Variants in SPTBN4 observed in about 807,000 individuals in gnomAD.
SPTBN4 encodes spectrin beta chain, non-erythrocytic 4.
In SPTBN4, 96 loss-of-function variants were observed where a neutral mutation model predicts 277.8. The ratio of observed to expected loss-of-function variants is 0.35; its 90% CI spans 0.29 to 0.41. The LOEUF (loss-of-function observed/expected upper bound fraction) is 0.41, where lower values mean the gene tolerates loss of function less well. Ranked by LOEUF, SPTBN4 falls within the 10% of genes least tolerant of loss-of-function variation. SPTBN4 has a pLI of 1.00. For missense variants in SPTBN4, 3,006 were observed against 3,595.7 expected (o/e 0.84, Z 4.19); for synonymous variants, 1,481 against 1,580.3 (o/e 0.94, Z 1.49).
intron 3 of SPTBN4, among the ~76,000 whole-genome samples, chr19:40,488,159 A>G (rs2080094210): frequency 6.6e-6 from 1 of 151,688 alleles, no homozygotes. Flanking sequence ...CTATTAGAGA[A>G]GGGAGGAGCT....
chr19:40,533,974 T>G, intron 19 of SPTBN4, 106 bp from the exon 20 acceptor site: 5 of 1,386,868 alleles, frequency 3.6e-6, no homozygotes, highest in Non-Finnish European at 4.8e-6. Flanking sequence ...CCTCTGATTC[T>G]CTTTTCACAT....
chr19:40,528,939 G>A, intron 17 of SPTBN4, 102 bp from the exon 18 acceptor site: 3 of 816,658 alleles, frequency 3.7e-6, no homozygotes, highest in Non-Finnish European at 6.2e-6. Context: ...TATTTTCCAC[G>A]CCCTTCTTCC....
intron 20 of SPTBN4, among the ~76,000 whole-genome samples, chr19:40,538,972 C>T (rs758434020): frequency 2.6e-5 from 4 of 152,154 alleles, no homozygotes; most frequent in South Asian, 2.1e-4. Context: ...GAGGCCAACC[C>T]ACATGGAAGC....
At chr19:40,569,563 C>A in intron 31 of SPTBN4, 94 bp from the exon 32 acceptor site, 1 of 1,304,458 alleles carries the variant, frequency 7.7e-7, no homozygotes, top group Non-Finnish European at 1.1e-6. Flanking sequence ...CTGGCACTTC[C>A]AGCTAAGAAG....
intron 21 of SPTBN4, 98 bp downstream of exon 21, chr19:40,549,511 C>T (rs1454464713): frequency 1.0e-6 from 1 of 972,138 alleles, no homozygotes; most frequent in African/African-American, 1.7e-5. Flanking sequence ...GGCTGAGACC[C>T]TCCCACTCAT....
chr19:40,475,152 T>C (rs1208114591), intron 2 of SPTBN4, among the ~76,000 whole-genome samples: 2 of 152,060 alleles, frequency 1.3e-5, no homozygotes, highest in African/African-American at 4.8e-5. Flanking sequence ...TTAGTATTCA[T>C]AGAGGTCTGG....
intron 20 of SPTBN4, among the ~76,000 whole-genome samples, chr19:40,537,359 C>T (rs747354696): frequency 2.6e-5 from 4 of 152,184 alleles, no homozygotes; most frequent in South Asian, 2.1e-4. Flanking sequence ...TTCTCCCATC[C>T]GTGTCTGTAT....
At chr19:40,545,883 T>C (rs2080853237) in intron 20 of SPTBN4, among the ~76,000 whole-genome samples, 1 of 151,562 alleles carries the variant, frequency 6.6e-6, no homozygotes, top group Non-Finnish European at 1.5e-5. Flanking sequence ...CTACTAAAAA[T>C]ACAAAAAAAA....
intron 26 of SPTBN4, among the ~76,000 whole-genome samples, chr19:40,559,220 G>A (rs972157420): frequency 3.3e-5 from 5 of 151,488 alleles, no homozygotes; most frequent in Non-Finnish European, 5.9e-5. Flanking sequence ...ATGAGCCACC[G>A]CGCCCAGCCC....
chr19:40,531,697 C>T lies in SPTBN4; in HGVS notation c.3949-928C>T, dbSNP rs1413697025. On this transcript the variant is annotated intron_variant, in intron 18 of 35. Coordinates refer to ENST00000598249, the MANE Select transcript of SPTBN4 (RefSeq NM_020971.3). Reference sequence around the variant, plus strand: ...CCTCTCTAGTGCCGTGAGAGGGGCCCACTCTTGGTGCTTGCGTTTTGGATG... The same window carrying T: ...CCTCTCTAGTGCCGTGAGAGGGGCCTACTCTTGGTGCTTGCGTTTTGGATG... 5.3e-5 allele frequency among the ~76,000 whole-genome samples: 8 copies of T among 151,230 alleles called. 1 individual carries two copies.
Position 40,504,147 on chromosome 19 carries a change from G to A in SPTBN4, c.1665+15G>A, listed in dbSNP as rs769461877. The A allele has an allele frequency of 7.6e-6, 8 of 1,047,662 alleles. No individual in the cohort carries two copies. Among genetic ancestry groups the A allele is most frequent in the African/African-American group, 2.0e-5 (1 of 51,122 alleles). 64.9% of individuals were successfully genotyped at this position (1,047,662 alleles called of 1,614,324 possible). A position where few individuals can be genotyped will look rare whatever the true frequency, so the allele number is the denominator to read the frequency against. ...AGGAGATGCAGGTGCCGGCGGGGGGGCGGGGATGCGGGTGGAGTGCCAGGA... is the reference window on the plus strand; with the variant it reads ...AGGAGATGCAGGTGCCGGCGGGGGGACGGGGATGCGGGTGGAGTGCCAGGA... On this transcript the variant is annotated intron_variant, in intron 12 of 35. Transcript: ENST00000598249.
intron 20 of SPTBN4, among the ~76,000 whole-genome samples, chr19:40,539,065 C>T (rs1395770780): frequency 1.3e-5 from 2 of 151,950 alleles, no homozygotes; most frequent in African/African-American, 2.4e-5. Flanking sequence ...CTCAAGATCC[C>T]GGGCTGAAGC....
rs761539317 is a variant in SPTBN4, at chr19:40,570,483, C to T, written c.7074C>T (p.Asn2358=). Residue 2358 remains asparagine, a synonymous_variant, in exon 33 of 36, where the codon AAC becomes AAT. Coordinates refer to ENST00000598249, the MANE Select transcript of SPTBN4 (RefSeq NM_020971.3). ...PRELPPGRLP[N]GLELPERTPR... ...AGCTTCCCCCAGGTCGCCTGCCCAACGGGCTTGAGCTGCCCGAGCGGACAC... is the reference window on the plus strand; with the variant it reads ...AGCTTCCCCCAGGTCGCCTGCCCAATGGGCTTGAGCTGCCCGAGCGGACAC... 3 of 1,556,004 alleles carry T rather than the reference C, an allele frequency of 1.9e-6. No individual in the cohort carries two copies. Among genetic ancestry groups the T allele is most frequent in the Non-Finnish European group, 2.6e-6 (3 of 1,160,320 alleles).
In SPTBN4 at chr19:40,552,347, C is replaced by T. The variant is rs189955789; in HGVS notation, c.4675-1800C>T. 3.4e-4 allele frequency among the ~76,000 whole-genome samples: 50 copies of T among 148,500 alleles called. No individual in the cohort carries two copies. In the East Asian group the frequency reaches 9.3e-3, roughly 28 times the overall value. ...TCGGGCGCCTGTAATCCCAGCTACT[C>T]GGGAGGCTGGGGCAGGAGAATCGCT... is the stretch of plus-strand genomic sequence containing the variant. On this transcript the variant is annotated intron_variant, in intron 22 of 35. Transcript: ENST00000598249.
intron 20 of SPTBN4, among the ~76,000 whole-genome samples, chr19:40,541,490 C>T (rs550407825): frequency 1.3e-5 from 2 of 152,342 alleles, no homozygotes; most frequent in South Asian, 4.1e-4. Flanking sequence ...CCCTGCTGTC[C>T]CCTGGGGCAT....
At chr19:40,504,248 G>A in intron 12 of SPTBN4, 116 bp downstream of exon 12, 1 of 1,130,270 alleles carries the variant, frequency 8.8e-7, no homozygotes, top group Non-Finnish European at 1.2e-6. Context: ...GATAGAAGAA[G>A]ATAGAGAGAA....
At chr19:40,556,932 A>AC in intron 25 of SPTBN4, 91 bp from the exon 26 acceptor site, 4 of 1,463,070 alleles carry the variant, frequency 2.7e-6, no homozygotes, top group Non-Finnish European at 3.6e-6. Flanking sequence ...TGTATCAAAA[A>AC]GAAAAAAAAA....
intron 13 of SPTBN4, among the ~76,000 whole-genome samples, chr19:40,509,326 A>G (rs1489864652): frequency 6.6e-6 from 1 of 151,620 alleles, no homozygotes; most frequent in African/African-American, 2.4e-5. Flanking sequence ...GCTCACTGCA[A>G]CCTCTGCCTC....
chr19:40,560,548 T>G lies in SPTBN4; in HGVS notation c.5915+145T>G. 2.0e-6 allele frequency: 3 copies of G among 1,536,858 alleles called. No homozygotes were observed. Among genetic ancestry groups the G allele is most frequent in the Non-Finnish European group, 2.6e-6 (3 of 1,143,078 alleles). The stretch of plus-strand genomic sequence containing the variant: ...TCTGTGTGCTAGGCACTGTTCTAGG[T>G]GCTTCGTGTGTATTCAGACCCCTTT... On this transcript the variant is annotated intron_variant, in intron 27 of 35. Coordinates refer to ENST00000598249, the MANE Select transcript of SPTBN4 (RefSeq NM_020971.3). This position sits in a 1 kb window ranked among gnomAD's most constrained non-coding sequence, Gnocchi z 5.2.
Sources: gnomAD v4.1 joint callset for allele counts (sites outside exome capture counted in the v4.1 genomes callset) on GRCh38, gnomAD v4.1.1 for gene constraint, Gnocchi (gnomAD v3.1) non-coding constraint, MANE v1.5 for transcripts, NCBI Gene and HGNC (gene_info 2026-07-23, HGNC 2026-07-21) for gene names.